FOCAD: variants seen among roughly 807,000 people sequenced by gnomAD.
FOCAD encodes KIAA1797.
Under a neutral mutation model 225.6 loss-of-function variants are expected in FOCAD, and 198 were observed. The observed-to-expected ratio is 0.88, with a 90% CI of 0.78 to 0.99. FOCAD has a LOEUF of 0.99. Among genes scored for constraint, FOCAD ranks in the 50% least tolerant of loss-of-function variants. The pLI, the probability that FOCAD is intolerant of heterozygous loss-of-function variation, is 0.00. For synonymous variants in FOCAD, 897 were observed against 755.0 expected, an observed-to-expected ratio of 1.19 and a Z score of -3.08; for missense variants, 2,713 against 2,123.6, an observed-to-expected ratio of 1.28 and a Z score of -5.46.
chr9:20,910,624 C>A (rs748707084), intron 22 of FOCAD, among the ~76,000 whole-genome samples: 2 of 151,968 alleles, frequency 1.3e-5, no homozygotes, highest in Non-Finnish European at 2.9e-5. Context: ...AATCTACAGG[C>A]AATCCAAAAA....
intron 26 of FOCAD, among the ~76,000 whole-genome samples, chr9:20,926,884 T>TAC (rs1320828599): frequency 1.3e-5 from 2 of 151,028 alleles, no homozygotes; most frequent in Non-Finnish European, 2.9e-5. Context: ...GAACTTTAAA[T>TAC]ACACACACAC....
At chr9:20,664,772 C>A (rs4977438) in intron 2 of FOCAD, among the ~76,000 whole-genome samples, 123,108 of 151,692 alleles carry the variant, frequency 0.81, 50,051 homozygotes, top group South Asian at 0.87. Flanking sequence ...AGCCATTGTG[C>A]CCGGCCCAGG....
intron 42 of FOCAD, among the ~76,000 whole-genome samples, chr9:20,991,628 C>T (rs1214784440): frequency 6.6e-6 from 1 of 152,010 alleles, no homozygotes; most frequent in African/African-American, 2.4e-5. Flanking sequence ...ACCTGGCCAA[C>T]ATGATGAAAC....
intron 15 of FOCAD, among the ~76,000 whole-genome samples, chr9:20,844,195 C>T (rs1207273915): frequency 6.6e-6 from 1 of 151,948 alleles, no homozygotes; most frequent in African/African-American, 2.4e-5. Context: ...ACCCAGATGG[C>T]CATTTAGCCA....
intron 43 of FOCAD, 131 bp downstream of exon 43, chr9:20,993,459 G>A (rs1841835467): frequency 1.4e-6 from 1 of 724,230 alleles, no homozygotes. Context: ...AGGTGTTTTG[G>A]ATTTTGGATG....
chr9:20,668,417 A>C (rs1259655982), intron 2 of FOCAD, among the ~76,000 whole-genome samples: 1 of 152,224 alleles, frequency 6.6e-6, no homozygotes, highest in Non-Finnish European at 1.5e-5. Context: ...ATTTACTAGC[A>C]TTATTATACT....
intron 35 of FOCAD, among the ~76,000 whole-genome samples, chr9:20,970,958 T>C (rs998677704): frequency 6.6e-6 from 1 of 152,188 alleles, no homozygotes; most frequent in Non-Finnish European, 1.5e-5. Flanking sequence ...ACTGAACATT[T>C]TGGATATTGT....
At chr9:20,973,454 C>A (rs1839946187) in intron 35 of FOCAD, among the ~76,000 whole-genome samples, 1 of 150,206 alleles carries the variant, frequency 6.7e-6, no homozygotes, top group African/African-American at 2.5e-5. Flanking sequence ...CTCTGCTTCT[C>A]CTTTTTCCTA....
chr9:20,748,552 C>T (rs887792598), intron 5 of FOCAD, among the ~76,000 whole-genome samples: 1 of 151,890 alleles, frequency 6.6e-6, no homozygotes, highest in Non-Finnish European at 1.5e-5. Context: ...ATAGAAAAAT[C>T]AGAGAAAGAA....
chr9:20,932,970 A>G (rs369154134), intron 27 of FOCAD, 44 bp from the exon 28 acceptor site: 4 of 1,371,226 alleles, frequency 2.9e-6, no homozygotes, highest in Non-Finnish European at 4.2e-6. Flanking sequence ...TGGATAGTTG[A>G]CTAATTTTAA....
intron 4 of FOCAD, among the ~76,000 whole-genome samples, chr9:20,728,163 T>A (rs1485526339): frequency 6.6e-6 from 1 of 152,164 alleles, no homozygotes; most frequent in Non-Finnish European, 1.5e-5. Context: ...TTTTTGAATC[T>A]TCAACGTCAT....
chr9:20,885,189 G>A lies in FOCAD; in HGVS notation c.2584G>A (p.Gly862Arg), dbSNP rs1463005640. The A allele has an allele frequency of 5.8e-6, 9 of 1,542,812 alleles. No homozygotes were observed. The East Asian group carries it at 7.2e-5, about 12-fold the overall frequency. The change falls in exon 21 of 44, where the codon GGG (glycine) becomes AGG (arginine). Residue 862 changes from glycine (G) to arginine (R), a missense_variant. Gly to Arg is a moderately radical substitution (Grantham distance 125). Coordinates refer to ENST00000338382, the MANE Select transcript of FOCAD (RefSeq NM_001375567.1). ...ATTGAACAGACTGATGGCCAGCAGA[G>A]GGCGAAGTTTCAAGCAGACTTCACT... is the stretch of plus-strand genomic sequence containing the variant. ...KPLNRLMASR[G>R]RSFKQTSLAL...
chr9:20,762,157 G>A (rs903905530), intron 6 of FOCAD, among the ~76,000 whole-genome samples: 7 of 152,072 alleles, frequency 4.6e-5, no homozygotes, highest in Non-Finnish European at 8.8e-5. Flanking sequence ...GTTGACACCC[G>A]GATAGTATTT....
intron 10 of FOCAD, among the ~76,000 whole-genome samples, chr9:20,788,571 G>C (rs1343376862): frequency 5.9e-5 from 9 of 152,068 alleles, no homozygotes; most frequent in African/African-American, 2.2e-4. Context: ...CTATTAACCA[G>C]ACAGTTATAA....
At chr9:20,911,112 TA>T (rs1833402214) in intron 22 of FOCAD, among the ~76,000 whole-genome samples, 1 of 152,094 alleles carries the variant, frequency 6.6e-6, no homozygotes, top group Admixed American at 6.6e-5. Flanking sequence ...AGACAGGCAA[TA>T]AAAATTGTTT....
chr9:20,905,031 G>T (rs978729633), intron 21 of FOCAD, among the ~76,000 whole-genome samples: 1 of 152,038 alleles, frequency 6.6e-6, no homozygotes, highest in Non-Finnish European at 1.5e-5. Flanking sequence ...GAATGTAAGG[G>T]CATGACTTTC....
At chr9:20,920,824 G>A (rs577095883) in intron 24 of FOCAD, among the ~76,000 whole-genome samples, 1 of 150,374 alleles carries the variant, frequency 6.7e-6, no homozygotes, top group African/African-American at 2.4e-5. Context: ...GGGGTGGGGG[G>A]AGTGGGGAGG....
At chr9:20,988,240 T>TG in intron 40 of FOCAD, 92 bp from the exon 41 acceptor site, 1 of 681,268 alleles carries the variant, frequency 1.5e-6, no homozygotes, top group East Asian at 2.8e-5. Flanking sequence ...CCTCACCAGG[T>TG]GTTCTGCTTT....
intron 4 of FOCAD, among the ~76,000 whole-genome samples, chr9:20,738,925 T>C (rs926832070): frequency 1.3e-5 from 2 of 152,220 alleles, no homozygotes; most frequent in African/African-American, 4.8e-5. Flanking sequence ...TGGTATTTAA[T>C]ATTCTTTTTT....
Sources: allele counts gnomAD v4.1 joint callset (sites outside exome capture counted in the v4.1 genomes callset), GRCh38; gene constraint gnomAD v4.1.1; transcripts MANE v1.5; gene names NCBI Gene and HGNC (gene_info 2026-07-23, HGNC 2026-07-21).